MYO5B: variants seen among roughly 807,000 people sequenced by gnomAD.
The protein encoded by MYO5B is unconventional myosin-Vb.
Under a neutral mutation model 229.3 loss-of-function variants are expected in MYO5B, and 143 were observed. The ratio of observed to expected loss-of-function variants is 0.62; its 90% confidence interval spans 0.54 to 0.72. The LOEUF is 0.72. Ranked by LOEUF, MYO5B falls within the 30% of genes least tolerant of loss-of-function variation. The pLI is 0.00. For synonymous variants in MYO5B, 918 were observed against 885.2 expected (o/e 1.04, Z -0.66); for missense variants, 2,321 against 2,331.0 (o/e 1.00, Z 0.09).
intron 4 of MYO5B, among the ~76,000 whole-genome samples, chr18:50,014,876 C>T (rs999118617): frequency 6.6e-6 from 1 of 152,212 alleles, no homozygotes; most frequent in Non-Finnish European, 1.5e-5. Flanking sequence ...AAGAAAAGTG[C>T]TCCCTTGAGG....
intron 12 of MYO5B, 149 bp downstream of exon 12, chr18:49,962,117 A>G: frequency 1.0e-6 from 1 of 989,866 alleles, no homozygotes; most frequent in South Asian, 1.4e-5. Flanking sequence ...AGAATGGTAC[A>G]TGCTTCTAGT....
chr18:49,877,725 C>G, intron 25 of MYO5B, 38 bp downstream of exon 25: 1 of 1,613,062 alleles, frequency 6.2e-7, no homozygotes, highest in East Asian at 2.2e-5. Flanking sequence ...CACACTCCCT[C>G]TGGAGGAGGA....
At chr18:49,913,293 G>T (rs978819590) in intron 17 of MYO5B, among the ~76,000 whole-genome samples, 1 of 152,162 alleles carries the variant, frequency 6.6e-6, no homozygotes, top group Admixed American at 6.5e-5. Context: ...TCCAGGTAGG[G>T]TCTGTCCCTT....
intron 4 of MYO5B, among the ~76,000 whole-genome samples, chr18:50,011,281 G>T (rs1044946431): frequency 3.3e-5 from 5 of 152,176 alleles, no homozygotes; most frequent in Non-Finnish European, 7.3e-5. Context: ...GGTGGAGGTT[G>T]CAGTGAGCCA....
At chr18:50,098,423 C>T (rs1244872786) in intron 1 of MYO5B, among the ~76,000 whole-genome samples, 2 of 152,128 alleles carry the variant, frequency 1.3e-5, no homozygotes, top group Non-Finnish European at 2.9e-5. Context: ...CCTAAAGAGT[C>T]CCATCAAAAT....
At chr18:49,983,851 A>G (rs111624748) in intron 8 of MYO5B, among the ~76,000 whole-genome samples, 2,244 of 152,242 alleles carry the variant, frequency 0.015, 56 homozygotes, top group African/African-American at 0.051. Context: ...AGAGAGGTTA[A>G]GGTGTGTCCC....
chr18:50,193,931 C>T (rs1294151168), intron 1 of MYO5B, among the ~76,000 whole-genome samples: 4 of 152,200 alleles, frequency 2.6e-5, no homozygotes, highest in African/African-American at 9.6e-5. Flanking sequence ...CGGGCGTCTC[C>T]GCCCGGGCTG....
chr18:49,858,335 G>T (rs1184842705), intron 29 of MYO5B, among the ~76,000 whole-genome samples: 1 of 87,376 alleles, frequency 1.1e-5, no homozygotes, highest in Non-Finnish European at 2.8e-5. Flanking sequence ...CTGGAGGACT[G>T]TAGGCACCAC....
chr18:50,128,066 G>C (rs747714665), intron 1 of MYO5B, among the ~76,000 whole-genome samples: 1 of 152,150 alleles, frequency 6.6e-6, no homozygotes, highest in Non-Finnish European at 1.5e-5. Flanking sequence ...AGCTCTCCTG[G>C]GTTTCCAGCT....
At chr18:50,141,089 T>C (rs1036751410) in intron 1 of MYO5B, among the ~76,000 whole-genome samples, 34 of 152,174 alleles carry the variant, frequency 2.2e-4, no homozygotes, top group African/African-American at 4.8e-4. Flanking sequence ...CCAACCTAAA[T>C]GGCATAGTTG....
intron 31 of MYO5B, chr18:49,850,303 C>T (rs1034900443): frequency 1.3e-5 from 2 of 156,600 alleles, no homozygotes; most frequent in African/African-American, 4.8e-5. Flanking sequence ...GCTCCATCCA[C>T]CACTAGAGCC....
intron 1 of MYO5B, among the ~76,000 whole-genome samples, chr18:50,087,445 C>T (rs565975787): frequency 1.5e-4 from 23 of 151,760 alleles, no homozygotes; most frequent in East Asian, 5.8e-4. Flanking sequence ...TGGTGGCACG[C>T]GCCTGTAATC....
intron 1 of MYO5B, among the ~76,000 whole-genome samples, chr18:50,191,463 C>T (rs1350618027): frequency 1.3e-5 from 2 of 152,166 alleles, no homozygotes; most frequent in African/African-American, 4.8e-5. Context: ...TGTACATCTC[C>T]ATAACCTGAG....
chr18:49,915,506 CCT>C (rs1480580891), intron 17 of MYO5B, among the ~76,000 whole-genome samples: 11 of 152,244 alleles, frequency 7.2e-5, no homozygotes, highest in African/African-American at 2.7e-4. Flanking sequence ...AGCACCGAGG[CCT>C]CTGTCTTATG....
chr18:50,192,089 A>T (rs2033236327), intron 1 of MYO5B, among the ~76,000 whole-genome samples: 1 of 142,434 alleles, frequency 7.0e-6, no homozygotes. Flanking sequence ...AAAAAAAAAA[A>T]TGTAGCTTGT....
In MYO5B at chr18:49,980,565, A is replaced by G; in HGVS notation, c.947-12T>C. Reference sequence around the variant, plus strand: ...GGACTCTTTCACTCCTGGAAAAGAAAAATGAATGGATGACACTCAGTATCC... The same window carrying G: ...GGACTCTTTCACTCCTGGAAAAGAAGAATGAATGGATGACACTCAGTATCC... On this transcript the variant is annotated splice_polypyrimidine_tract_variant and intron_variant, in intron 8 of 39. Transcript: ENST00000285039. 6.5e-7 allele frequency: 1 copy of G among 1,543,638 alleles called. No individual in the cohort carries two copies. Among genetic ancestry groups the G allele is most frequent in the South Asian group, 1.1e-5 (1 of 89,568 alleles).
At chr18:50,085,250 T>C (rs1034146226) in intron 1 of MYO5B, among the ~76,000 whole-genome samples, 8 of 151,942 alleles carry the variant, frequency 5.3e-5, no homozygotes, top group Admixed American at 3.9e-4. Flanking sequence ...AAAAAGTGGG[T>C]GAAGGATATG....
intron 1 of MYO5B, among the ~76,000 whole-genome samples, chr18:50,146,840 C>G (rs1366238655): frequency 2.0e-5 from 3 of 152,092 alleles, no homozygotes; most frequent in Non-Finnish European, 4.4e-5. Flanking sequence ...CAGAAAATAG[C>G]TGGAAGGATA....
Position 50,194,960 on chromosome 18 carries a change from C to T in MYO5B, c.-167G>A. On this transcript the variant is annotated 5_prime_UTR_variant, in exon 1 of 40. Transcript: ENST00000285039. ...CTTCCCGCAGGCGCCGCGGCCGGCTCGCTCCCGGCGGCGCGACCTTTACTC... is the reference window on the plus strand; with the variant it reads ...CTTCCCGCAGGCGCCGCGGCCGGCTTGCTCCCGGCGGCGCGACCTTTACTC... 4 of 1,030,560 alleles carry T rather than the reference C, an allele frequency of 3.9e-6. No individual in the cohort carries two copies. Among genetic ancestry groups the T allele is most frequent in the Non-Finnish European group, 4.9e-6 (4 of 813,118 alleles). The allele number at this position is 1,030,560 out of a possible 1,614,324, so 63.8% of individuals were successfully genotyped here. A position where few individuals can be genotyped will look rare whatever the true frequency, so the allele number is the denominator to read the frequency against.
Sources: gnomAD v4.1 joint callset for allele counts (sites outside exome capture counted in the v4.1 genomes callset) on GRCh38, gnomAD v4.1.1 for gene constraint, MANE v1.5 for transcripts, NCBI Gene and HGNC (gene_info 2026-07-23, HGNC 2026-07-21) for gene names.